LTBP2: variants seen among roughly 807,000 people sequenced by gnomAD.
LTBP2 encodes the protein latent-transforming growth factor beta-binding protein 2.
Under a neutral mutation model 210.6 loss-of-function variants are expected in LTBP2, and 103 were observed. The ratio of observed to expected loss-of-function variants is 0.49; its 90% CI spans 0.42 to 0.58. The LOEUF (loss-of-function observed/expected upper bound fraction) is 0.58. LTBP2 is among the 20% of genes least tolerant of loss of function. The pLI is 0.00. For missense variants in LTBP2, 2,313 were observed against 2,494.5 expected, an observed-to-expected ratio of 0.93 and a Z score of 1.55; for synonymous variants, 1,007 against 1,015.0, an observed-to-expected ratio of 0.99 and a Z score of 0.15.
intron 3 of LTBP2, among the ~76,000 whole-genome samples, chr14:74,557,802 C>T (rs528470395): frequency 1.3e-5 from 2 of 152,168 alleles, no homozygotes; most frequent in African/African-American, 4.8e-5. Flanking sequence ...AGTCCTTGCC[C>T]AAGGTTATAC....
At chr14:74,522,591 G>A (rs1480953696) in intron 16 of LTBP2, among the ~76,000 whole-genome samples, 199 bp downstream of exon 16, 5 of 151,904 alleles carry the variant, frequency 3.3e-5, no homozygotes, top group East Asian at 1.9e-4. Context: ...GAGACTCATC[G>A]GATGGGGCTC....
In LTBP2 at chr14:74,532,511, G is replaced by T; in HGVS notation, c.1902C>A (p.Asp634Glu). ...TGCCCCTGGTATTCACACACTCCGCGTCCTTGCACAGGCCCAGGGTCAAGC... is the reference window on the plus strand; with the variant it reads ...TGCCCCTGGTATTCACACACTCCGCTTCCTTGCACAGGCCCAGGGTCAAGC... ...NECLTLGLCK[D>E]AECVNTRGSY... Residue 634 changes from aspartate to glutamate, a missense_variant, in exon 10 of 36, where the codon GAC (aspartate) becomes GAA (glutamate). Around this residue, in one of 3 missense-constraint regions of LTBP2, gnomAD observed 1,867 missense variants for 1,976.9 expected, o/e 0.94. Coordinates refer to ENST00000261978, the MANE Select transcript of LTBP2 (RefSeq NM_000428.3). 2 of 1,614,184 alleles carry T rather than the reference G, an allele frequency of 1.2e-6. No homozygotes were observed. The highest frequency in any genetic ancestry group is 2.7e-5 in the African/African-American group (2 of 75,046).
At chr14:74,521,394 C>G (rs771712429) in intron 17 of LTBP2, among the ~76,000 whole-genome samples, 1 of 150,682 alleles carries the variant, frequency 6.6e-6, no homozygotes, top group African/African-American at 2.4e-5. Flanking sequence ...GCGTTGGGAG[C>G]GTATTTATCA....
At chr14:74,542,164 T>A (rs1246148191) in intron 8 of LTBP2, among the ~76,000 whole-genome samples, 1 of 152,196 alleles carries the variant, frequency 6.6e-6, no homozygotes, top group Admixed American at 6.5e-5. Context: ...GCAGGACAGA[T>A]GTGGGGAACC....
intron 2 of LTBP2, among the ~76,000 whole-genome samples, chr14:74,592,730 C>G (rs887150833): frequency 6.6e-6 from 1 of 152,254 alleles, no homozygotes; most frequent in African/African-American, 2.4e-5. Context: ...TTATGTGGTT[C>G]TAATGAATCT....
rs67321882 is a variant in LTBP2 at position 74,543,503 on chromosome 14, A to AGCCTGCCT, written c.1789+6352_1789+6359dup. 1.5e-4 allele frequency among the ~76,000 whole-genome samples: 19 copies of AGCCTGCCT among 125,450 alleles called. 2 individuals carry two copies. The highest frequency in any genetic ancestry group is 6.2e-4 in the African/African-American group (18 of 28,902). The allele number at this position is 125,450 out of a possible 152,430, so 82.3% of individuals were successfully genotyped here. A position where few individuals can be genotyped will look rare whatever the true frequency, so the allele number is the denominator to read the frequency against. On this transcript the variant is annotated intron_variant, in intron 8 of 35. Transcript: ENST00000261978. The stretch of plus-strand genomic sequence containing the variant: ...CAGATGCATGGCACAAACCCTATAG[A>AGCCTGCCT]GCCTGCCTGCCTGCCTGCCTGCCTT...
rs555894027 is a variant in LTBP2 at position 74,586,035 on chromosome 14, G to A, written c.649C>T (p.Arg217Cys). The change falls in exon 3 of 36, where the codon CGC becomes TGC. Residue 217 changes from arginine to cysteine, a missense_variant. This residue lies in a region of LTBP2 where 1,867 missense variants were observed against 1,976.9 expected (regional missense o/e 0.94). Coordinates refer to ENST00000261978, the MANE Select transcript of LTBP2 (RefSeq NM_000428.3). This position sits in a 1 kb window ranked among gnomAD's most constrained non-coding sequence, Gnocchi z 4.6. ...TCATCGGGAATGACCTCCTCGCAGC[G>A]GGCTCCACGGAAACCAGAGCGGCAG... ...CVCRSGFRGA[R>C]CEEVIPDEEF... 2.2e-5 allele frequency: 36 copies of A among 1,603,406 alleles called. No individual in the cohort carries two copies. Among genetic ancestry groups the A allele is most frequent in the Non-Finnish European group, 3.0e-5 (35 of 1,175,292 alleles).
chr14:74,585,008 A>T (rs1011226666), intron 3 of LTBP2, among the ~76,000 whole-genome samples: 2 of 152,174 alleles, frequency 1.3e-5, no homozygotes, highest in Non-Finnish European at 2.9e-5. Context: ...TTCAGAAAGA[A>T]CTTCTTAAGC....
chr14:74,509,302 G>T lies in LTBP2; in HGVS notation c.3339C>A (p.Gly1113=). The part of the protein sequence containing the change: ...CPSGVCTNTA[G]SFSCKDCDGG... ...CATCGCAGTCCTTGCAGGAGAAGGAGCCAGCCGTGTTGGTGCAGACTCCGG... is the reference window on the plus strand; with the variant it reads ...CATCGCAGTCCTTGCAGGAGAAGGATCCAGCCGTGTTGGTGCAGACTCCGG... Residue 1113 remains glycine, a synonymous_variant, in exon 22 of 36, where the codon GGC becomes GGA. Transcript: ENST00000261978. The T allele has an allele frequency of 6.2e-7, 1 of 1,613,670 alleles. No homozygotes were observed. Among genetic ancestry groups the T allele is most frequent in the Non-Finnish European group, 8.5e-7 (1 of 1,179,992 alleles).
chr14:74,511,165 CT>C, intron 19 of LTBP2, 79 bp downstream of exon 19: 3 of 1,606,770 alleles, frequency 1.9e-6, no homozygotes, highest in Non-Finnish European at 2.5e-6. Context: ...CTGCCCACCT[CT>C]TTCCCTTTCC....
chr14:74,590,389 T>C (rs761590687), intron 2 of LTBP2, among the ~76,000 whole-genome samples: 132 of 152,208 alleles, frequency 8.7e-4, no homozygotes, highest in Non-Finnish European at 1.4e-3. Context: ...ACCAACTTAA[T>C]GCCCATCAAC....
At chr14:74,578,749 C>T (rs2088095958) in intron 3 of LTBP2, among the ~76,000 whole-genome samples, 2 of 152,352 alleles carry the variant, frequency 1.3e-5, no homozygotes. Flanking sequence ...ACCCCAACCC[C>T]TTTGCTGCTG....
chr14:74,519,705 G>A (rs74065621), intron 17 of LTBP2, among the ~76,000 whole-genome samples: 1,654 of 152,124 alleles, frequency 0.011, 28 homozygotes, highest in African/African-American at 0.037. Context: ...CCCCATCCCC[G>A]TTCCCCAGCT....
chr14:74,504,204 C>T lies in LTBP2; in HGVS notation c.4454-150G>A, dbSNP rs74443692. ...AAGTTGCTTAAGTTCGCCTTGCCTC[C>T]GGTTCCTACATACTCTTAGAGTTGT... On this transcript the variant is annotated intron_variant, in intron 30 of 35. Coordinates refer to ENST00000261978, the MANE Select transcript of LTBP2 (RefSeq NM_000428.3). 6,052 of 886,484 alleles carry T rather than the reference C, an allele frequency of 6.8e-3. 151 individuals carry two copies. Among genetic ancestry groups the T allele is most frequent in the East Asian group, 0.061 (2,329 of 37,998 alleles). 54.9% of individuals were successfully genotyped at this position (886,484 alleles called of 1,614,324 possible).
chr14:74,550,020 GCA>G, intron 7 of LTBP2, 55 bp from the exon 8 acceptor site: 1 of 1,143,042 alleles, frequency 8.7e-7, no homozygotes, highest in Admixed American at 1.7e-5. Context: ...CCCAGGCTGT[GCA>G]CAGAGATGTC....
At chr14:74,507,402 T>C in intron 25 of LTBP2, 92 bp from the exon 26 acceptor site, 1 of 1,554,898 alleles carries the variant, frequency 6.4e-7, no homozygotes, top group South Asian at 1.1e-5. Context: ...TCTGGGGTTC[T>C]TGATCTATTC....
At chr14:74,591,344 TA>T (rs551006813) in intron 2 of LTBP2, among the ~76,000 whole-genome samples, 58 of 152,316 alleles carry the variant, frequency 3.8e-4, no homozygotes, top group African/African-American at 1.3e-3. Flanking sequence ...AATGAGTGGT[TA>T]GGGGGAACTG....
At position 74,586,085 on chromosome 14, in the gene LTBP2, G is replaced by A; in HGVS notation, c.599C>T (p.Ser200Phe). 1 of 1,600,754 alleles carries A rather than the reference G, an allele frequency of 6.2e-7. No individual in the cohort carries two copies. Among genetic ancestry groups the A allele is most frequent in the Non-Finnish European group, 8.5e-7 (1 of 1,174,204 alleles). The change falls in exon 3 of 36, where the codon TCC (serine) becomes TTC (phenylalanine). Residue 200 changes from serine to phenylalanine, a missense_variant. Coordinates refer to ENST00000261978, the MANE Select transcript of LTBP2 (RefSeq NM_000428.3). The surrounding 1 kb of genome is among the most constrained non-coding windows in gnomAD (Gnocchi z 4.6). ...GACACAGAGCTGCGGGCGGCTGCAG[G>A]AGCCCCGGTTCTGGCACGGCGGCTC... ...VCEPPCQNRG[S>F]CSRPQLCVCR... is the part of the protein sequence containing the mutation.
intron 8 of LTBP2, among the ~76,000 whole-genome samples, chr14:74,547,233 C>T (rs2087588958): frequency 6.6e-6 from 1 of 152,212 alleles, no homozygotes; most frequent in South Asian, 2.1e-4. Context: ...ACATCACTGT[C>T]AGATTGGCTT....
Sources: allele counts gnomAD v4.1 joint callset (sites outside exome capture counted in the v4.1 genomes callset), GRCh38; gene constraint gnomAD v4.1.1; regional missense constraint gnomAD v4.1.1; non-coding constraint Gnocchi (gnomAD v3.1); transcripts MANE v1.5; gene names NCBI Gene and HGNC (gene_info 2026-07-23, HGNC 2026-07-21).